Variants in DKK2 observed in about 807,000 individuals in gnomAD.
The protein encoded by DKK2 is dickkopf Wnt signaling pathway inhibitor 2.
Under a neutral mutation model 28.1 loss-of-function variants are expected in DKK2, and 11 were observed. The ratio of observed to expected loss-of-function variants is 0.39; its 90% confidence interval spans 0.25 to 0.65. The LOEUF (loss-of-function observed/expected upper bound fraction) is 0.65, where lower values mean the gene tolerates loss of function less well. Among genes scored for constraint, DKK2 ranks in the 30% least tolerant of loss-of-function variants. The pLI is 0.47. For synonymous variants in DKK2, 135 were observed against 126.5 expected (o/e 1.07, Z -0.45); for missense variants, 326 against 335.5 (o/e 0.97, Z 0.22).
At chr4:106,982,150 CTG>C (rs1269713835) in intron 1 of DKK2, among the ~76,000 whole-genome samples, 1 of 152,140 alleles carries the variant, frequency 6.6e-6, no homozygotes, top group African/African-American at 2.4e-5. Flanking sequence ...TAATTCCACT[CTG>C]TGATTATTTC....
chr4:106,923,976 A>T lies in DKK2; in HGVS notation c.758T>A (p.Leu253His). The change falls in exon 4 of 4, where the codon CTC (leucine) becomes CAC (histidine). Residue 253 changes from leucine (L) to histidine (H), a missense_variant. Physicochemically the swap from Leu to His is moderately conservative, Grantham distance 99. Transcript: ENST00000285311. ...KDATYSSKAR[L>H]HVCQKI ...TGATCAAATTTTCTGACACACATGGAGTCTGGCTTTGGAGGAGTAGGTGGC... is the reference window on the plus strand; with the variant it reads ...TGATCAAATTTTCTGACACACATGGTGTCTGGCTTTGGAGGAGTAGGTGGC... 1 of 1,613,878 alleles carries T rather than the reference A, an allele frequency of 6.2e-7. No individual in the cohort carries two copies.
chr4:106,935,284 G>A (rs1403082500), intron 1 of DKK2, among the ~76,000 whole-genome samples: 2 of 152,214 alleles, frequency 1.3e-5, no homozygotes, highest in Admixed American at 6.5e-5. Context: ...AAAGCAGGGC[G>A]AGGCATTGCC....
At chr4:107,026,532 T>C (rs1723782949) in intron 1 of DKK2, among the ~76,000 whole-genome samples, 3 of 152,132 alleles carry the variant, frequency 2.0e-5, no homozygotes, top group South Asian at 2.1e-4. Flanking sequence ...TGGAAGTATA[T>C]TTAAACTCCA....
chr4:106,958,940 T>C (rs1156677212), intron 1 of DKK2, among the ~76,000 whole-genome samples: 1 of 151,936 alleles, frequency 6.6e-6, no homozygotes, highest in African/African-American at 2.4e-5. Flanking sequence ...GTTCAACCAA[T>C]TGCCCTCATT....
At chr4:106,963,359 A>C (rs1722721487) in intron 1 of DKK2, among the ~76,000 whole-genome samples, 1 of 152,132 alleles carries the variant, frequency 6.6e-6, no homozygotes, top group Non-Finnish European at 1.5e-5. Flanking sequence ...TCTAAAAAAA[A>C]AAAAGAGGCA....
In DKK2 at chr4:107,036,179, C is replaced by A. The variant is rs966006659; in HGVS notation, c.-588G>T. The stretch of plus-strand genomic sequence containing the variant: ...ATCTGAAGAGAATCGAGGTCCCCCA[C>A]ACGCGCACTCACAGTTGCCCCGAAG... On this transcript the variant is annotated 5_prime_UTR_variant, in exon 1 of 4. Transcript: ENST00000285311. 6.5e-6 allele frequency: 1 copy of A among 152,890 alleles called. No homozygotes were observed. The highest frequency in any genetic ancestry group is 2.4e-5 in the African/African-American group (1 of 41,456). The allele number at this position is 152,890 out of a possible 1,614,324, so 9.5% of individuals were successfully genotyped here.
chr4:107,027,812 C>T (rs1003082711), intron 1 of DKK2, among the ~76,000 whole-genome samples: 14 of 145,554 alleles, frequency 9.6e-5, no homozygotes, highest in Admixed American at 3.0e-4. Flanking sequence ...AGTACAGTGG[C>T]GCGATCTCGG....
At chr4:106,987,609 C>T (rs1397628084) in intron 1 of DKK2, among the ~76,000 whole-genome samples, 2 of 151,722 alleles carry the variant, frequency 1.3e-5, no homozygotes, top group Non-Finnish European at 2.9e-5. Context: ...TTTGCAACTT[C>T]AGTAGACAGG....
intron 1 of DKK2, among the ~76,000 whole-genome samples, chr4:107,031,232 T>A (rs937666583): frequency 1.3e-5 from 2 of 151,904 alleles, no homozygotes; most frequent in Admixed American, 1.3e-4. Flanking sequence ...TTAGTGTTAG[T>A]CAATGTCCAG....
At chr4:106,971,255 T>C (rs1722864049) in intron 1 of DKK2, among the ~76,000 whole-genome samples, 1 of 152,128 alleles carries the variant, frequency 6.6e-6, no homozygotes, top group Admixed American at 6.6e-5. Context: ...CCTCTTGATA[T>C]GCAATTTCTT....
chr4:106,972,754 T>G (rs1722886040), intron 1 of DKK2, among the ~76,000 whole-genome samples: 1 of 152,154 alleles, frequency 6.6e-6, no homozygotes, highest in East Asian at 1.9e-4. Context: ...TCTTTTTGTT[T>G]TATACTTTAA....
At chr4:106,998,848 T>TA (rs1376036344) in intron 1 of DKK2, among the ~76,000 whole-genome samples, 2 of 152,232 alleles carry the variant, frequency 1.3e-5, no homozygotes, top group Non-Finnish European at 2.9e-5. Flanking sequence ...GGTCATTTTT[T>TA]ATCTCACAAA....
At chr4:106,935,493 C>CT (rs1277097342) in intron 1 of DKK2, among the ~76,000 whole-genome samples, 1 of 152,226 alleles carries the variant, frequency 6.6e-6, no homozygotes, top group East Asian at 1.9e-4. Context: ...TGATTGCTAG[C>CT]ACAGCAGTCT....
intron 1 of DKK2, among the ~76,000 whole-genome samples, chr4:107,029,844 T>C (rs1374860130): frequency 6.6e-6 from 1 of 152,186 alleles, no homozygotes; most frequent in African/African-American, 2.4e-5. Context: ...AATTAGATAC[T>C]GCAAAGTATT....
chr4:107,026,260 A>G (rs570613581), intron 1 of DKK2, among the ~76,000 whole-genome samples: 53 of 152,238 alleles, frequency 3.5e-4, no homozygotes, highest in Non-Finnish European at 6.0e-4. Context: ...TTATTAAAAT[A>G]TTCAAACGTT....
rs1257338263 is a variant in DKK2, at chr4:106,937,559, G to A, written c.223-11610C>T. Among the ~76,000 whole-genome samples the A allele has an allele frequency of 5.5e-4, 83 of 151,386 alleles. No individual in the cohort carries two copies. In the Middle Eastern group the frequency reaches 0.014, roughly 25 times the overall value. On this transcript the variant is annotated intron_variant, in intron 1 of 3. Coordinates refer to ENST00000285311, the MANE Select transcript of DKK2 (RefSeq NM_014421.3). ...CACTGTCAACATTAGACAGATCAAC[G>A]AGACAGAAAGTCAACAAGGATACCC... is the stretch of plus-strand genomic sequence containing the variant.
At chr4:107,025,103 G>A (rs1044003467) in intron 1 of DKK2, among the ~76,000 whole-genome samples, 19 of 152,114 alleles carry the variant, frequency 1.2e-4, no homozygotes, top group East Asian at 3.9e-4. Flanking sequence ...AGAGGTCCAC[G>A]TGAGGTTGAA....
intron 1 of DKK2, among the ~76,000 whole-genome samples, chr4:107,031,536 G>A (rs1723875667): frequency 6.6e-6 from 1 of 151,920 alleles, no homozygotes; most frequent in Admixed American, 6.5e-5. Flanking sequence ...CACTATCCTT[G>A]AAGTGTCCCA....
intron 1 of DKK2, among the ~76,000 whole-genome samples, chr4:107,010,210 C>T (rs1031584332): frequency 6.6e-6 from 1 of 151,682 alleles, no homozygotes; most frequent in Non-Finnish European, 1.5e-5. Flanking sequence ...ATTTAAATTA[C>T]AAGCATGATT....
Sources: gnomAD v4.1 joint callset for allele counts (sites outside exome capture counted in the v4.1 genomes callset) on GRCh38, gnomAD v4.1.1 for gene constraint, MANE v1.5 for transcripts, NCBI Gene and HGNC (gene_info 2026-07-23, HGNC 2026-07-21) for gene names.